MAP4K4: variants seen among roughly 807,000 people sequenced by gnomAD.
The protein encoded by MAP4K4 is mitogen-activated protein kinase kinase kinase kinase 4, also known as HPK/GCK-like kinase HGK.
MAP4K4 carries 38 observed loss-of-function variants against 189.6 expected under a neutral mutation model. The ratio of observed to expected loss-of-function variants is 0.20; its 90% CI spans 0.15 to 0.26. The LOEUF is 0.26. Among genes scored for constraint, MAP4K4 ranks in the 10% least tolerant of loss-of-function variants. The pLI, the probability that MAP4K4 is intolerant of heterozygous loss-of-function variation, is 1.00. For missense variants in MAP4K4, 1,054 were observed against 1,726.9 expected, an observed-to-expected ratio of 0.61 and a Z score of 6.91; for synonymous variants, 610 against 624.3, an observed-to-expected ratio of 0.98 and a Z score of 0.34.
chr2:101,829,785 C>A (rs1298160733), intron 6 of MAP4K4, 191 bp downstream of exon 6: 3 of 522,580 alleles, frequency 5.7e-6, no homozygotes, highest in Admixed American at 3.1e-5. Flanking sequence ...GTTTGTGCCC[C>A]CCTGCCCCCT....
chr2:101,794,636 A>G (rs578086391), intron 3 of MAP4K4, among the ~76,000 whole-genome samples: 1 of 152,236 alleles, frequency 6.6e-6, no homozygotes, highest in Admixed American at 6.5e-5. Flanking sequence ...ACAGTCTTCT[A>G]CGTATCATAA....
chr2:101,786,404 TA>T (rs537345043), intron 2 of MAP4K4, among the ~76,000 whole-genome samples: 149 of 147,954 alleles, frequency 1.0e-3, no homozygotes, highest in African/African-American at 3.0e-3. Flanking sequence ...GTTTTCTTCT[TA>T]AAAAAAAAAC....
chr2:101,801,452 A>T (rs957859187), intron 3 of MAP4K4, among the ~76,000 whole-genome samples: 1 of 152,146 alleles, frequency 6.6e-6, no homozygotes, highest in Non-Finnish European at 1.5e-5. Context: ...GCACGTATGA[A>T]ATATTGTCTA....
chr2:101,851,155 G>A (rs570099008), intron 12 of MAP4K4, among the ~76,000 whole-genome samples: 1 of 152,276 alleles, frequency 6.6e-6, no homozygotes, highest in Admixed American at 6.5e-5. Context: ...TTAAAGCTTA[G>A]TTGGACAAGT....
At chr2:101,887,372 AC>A (rs1317835058) in intron 30 of MAP4K4, 135 bp downstream of exon 30, 12 of 854,036 alleles carry the variant, frequency 1.4e-5, no homozygotes, top group Middle Eastern at 7.4e-4. Flanking sequence ...TTTAAATGAT[AC>A]GCAATTTTCA....
intron 3 of MAP4K4, among the ~76,000 whole-genome samples, chr2:101,823,099 C>A (rs1032579613): frequency 6.6e-6 from 1 of 152,170 alleles, no homozygotes; most frequent in Non-Finnish European, 1.5e-5. Context: ...AGCGTCTTCT[C>A]CAGGTTTATA....
In MAP4K4 at chr2:101,778,451, A is replaced by G. The variant is rs181217172; in HGVS notation, c.124-12269A>G. Among the ~76,000 whole-genome samples the G allele has an allele frequency of 2.0e-3, 304 of 151,032 alleles. 5 individuals carry two copies. The highest frequency in any genetic ancestry group is 0.019 in the Admixed American group (285 of 15,198). On this transcript the variant is annotated intron_variant, in intron 2 of 32. Coordinates refer to ENST00000324219, the Ensembl canonical transcript of MAP4K4. ...CATTGATAGCCCAGGCTTTGCCCAC[A>G]CCACACACAGGGTGGACAGCATGCA...
At chr2:101,821,075 A>G (rs1156342650) in intron 3 of MAP4K4, among the ~76,000 whole-genome samples, 3 of 152,068 alleles carry the variant, frequency 2.0e-5, no homozygotes, top group South Asian at 4.2e-4. Flanking sequence ...TAGAATTAAG[A>G]TGGTTATCTA....
intron 26 of MAP4K4, 22 bp from the exon 27 acceptor site, chr2:101,876,981 C>T (rs775774010): frequency 5.0e-6 from 8 of 1,613,008 alleles, no homozygotes; most frequent in Middle Eastern, 3.3e-4. Context: ...AAAATTGAGG[C>T]CTTTCTGTGT....
Position 101,887,257 on chromosome 2 carries a change from CTA to C in MAP4K4, c.3771+22_3771+23del, listed in dbSNP as rs752012807. 1.3e-6 allele frequency: 2 copies of C among 1,592,350 alleles called. No individual in the cohort carries two copies. The highest frequency in any genetic ancestry group is 1.7e-6 in the Non-Finnish European group (2 of 1,172,592). On this transcript the variant is annotated intron_variant, in intron 30 of 32. Coordinates refer to ENST00000324219, the Ensembl canonical transcript of MAP4K4. ...ACACATGTAAGAAAGAACCCACACTCTATGGTTGGTTGACTGGCTTCATTTTG... is the reference window on the plus strand; with the variant it reads ...ACACATGTAAGAAAGAACCCACACTCTGGTTGGTTGACTGGCTTCATTTTG...
At chr2:101,773,919 T>C (rs764495220) in intron 2 of MAP4K4, among the ~76,000 whole-genome samples, 2 of 152,238 alleles carry the variant, frequency 1.3e-5, no homozygotes, top group Non-Finnish European at 2.9e-5. Flanking sequence ...CAGGATCTTA[T>C]ACTCCATTGT....
exon 33 of MAP4K4, chr2:101,893,324 G>A (rs2098595161): frequency 2.2e-6 from 1 of 454,424 alleles, no homozygotes. Flanking sequence ...TCATTTGTAT[G>A]AGTTTGGAGC....
At chr2:101,888,060 T>A (rs2098512729) in intron 31 of MAP4K4, 123 bp downstream of exon 31, 3 of 729,168 alleles carry the variant, frequency 4.1e-6, no homozygotes, top group Admixed American at 5.9e-5. Flanking sequence ...ACAGAGTAGT[T>A]GGCAGTAGAT....
exon 33 of MAP4K4, chr2:101,893,329 T>G: frequency 4.4e-6 from 2 of 452,932 alleles, no homozygotes; most frequent in Non-Finnish European, 4.4e-6. Flanking sequence ...TGTATGAGTT[T>G]GGAGCAGTGC....
intron 2 of MAP4K4, among the ~76,000 whole-genome samples, chr2:101,700,676 G>C (rs1381178642): frequency 1.3e-5 from 2 of 151,828 alleles, no homozygotes; most frequent in Non-Finnish European, 2.9e-5. Flanking sequence ...AAATACTTTA[G>C]AATGTTTCTT....
At chr2:101,737,447 ATATATATATATATATTTTTTTTTT>A (rs1394250506) in intron 2 of MAP4K4, among the ~76,000 whole-genome samples, 4 of 33,504 alleles carry the variant, frequency 1.2e-4, no homozygotes, top group African/African-American at 7.7e-4. Flanking sequence ...ATATATATAT[ATATATATATATATATTTTTTTTTT>A]TTTTTTTTTT....
At chr2:101,831,762 C>T (rs2096601991) in exon 7 of MAP4K4, 2 of 1,605,720 alleles carry the variant, frequency 1.2e-6, no homozygotes, top group Non-Finnish European at 8.5e-7. Context: ...GACTGTGGGG[C>T]GGAGAAATAC....
chr2:101,816,949 G>A (rs1032788628), intron 3 of MAP4K4, among the ~76,000 whole-genome samples: 25 of 151,926 alleles, frequency 1.6e-4, no homozygotes, highest in African/African-American at 5.3e-4. Flanking sequence ...GTGAGTTGCC[G>A]GAAAGCTCAT....
intron 3 of MAP4K4, among the ~76,000 whole-genome samples, chr2:101,812,033 C>G (rs990375570): frequency 6.6e-6 from 1 of 152,026 alleles, no homozygotes; most frequent in Admixed American, 6.5e-5. Flanking sequence ...GGAGGAGGTA[C>G]CTACCACTTG....
Sources: gnomAD v4.1 joint callset for allele counts (sites outside exome capture counted in the v4.1 genomes callset) on GRCh38, gnomAD v4.1.1 for gene constraint, MANE v1.5 for transcripts, NCBI Gene and HGNC (gene_info 2026-07-23, HGNC 2026-07-21) for gene names.